Variants in KDM3B observed in about 807,000 individuals in gnomAD.
The protein encoded by KDM3B is lysine demethylase 3B, also known as lysine-specific demethylase 3B.
KDM3B carries 10 observed loss-of-function variants against 170.0 expected under a neutral mutation model. The ratio of observed to expected loss-of-function variants is 0.06; its 90% CI spans 0.04 to 0.10. KDM3B has a LOEUF of 0.10. KDM3B is among the 10% of genes least tolerant of loss of function. KDM3B has a pLI of 1.00. For synonymous variants in KDM3B, 831 were observed against 834.8 expected (o/e 1.00, Z 0.08); for missense variants, 1,394 against 2,195.2 (o/e 0.64, Z 7.29).
chr5:138,400,896 C>CT (rs554180552), intron 11 of KDM3B, among the ~76,000 whole-genome samples: 37,923 of 146,584 alleles, frequency 0.26, 5,369 homozygotes, highest in East Asian at 0.56. Flanking sequence ...ACTTTTTTCT[C>CT]TTTTTTTTTT....
At chr5:138,422,863 A>C (rs1287572687) in intron 15 of KDM3B, among the ~76,000 whole-genome samples, 4 of 152,190 alleles carry the variant, frequency 2.6e-5, no homozygotes, top group Admixed American at 6.5e-5. Flanking sequence ...CTTGGGTTTT[A>C]TGACTAATGG....
chr5:138,357,366 A>T (rs1218920959), intron 1 of KDM3B, among the ~76,000 whole-genome samples: 5 of 145,970 alleles, frequency 3.4e-5, no homozygotes, highest in South Asian at 2.2e-4. Context: ...TTTAAAAAAC[A>T]TTTTTTTTTT....
intron 1 of KDM3B, among the ~76,000 whole-genome samples, chr5:138,363,578 G>A (rs958640203): frequency 2.6e-4 from 39 of 152,086 alleles, no homozygotes; most frequent in African/African-American, 8.2e-4. Context: ...ACGGAGTCTC[G>A]CTCTGTCTCT....
At chr5:138,380,711 G>GC (rs1452198091) in intron 5 of KDM3B, among the ~76,000 whole-genome samples, 2 of 151,824 alleles carry the variant, frequency 1.3e-5, no homozygotes, top group East Asian at 1.9e-4. Context: ...CTATCAAATT[G>GC]CCCCCCACTG....
rs1761721094 is a variant in KDM3B, at chr5:138,365,464, G to A, written c.193-7210G>A. Reference sequence around the variant, plus strand: ...GTAGAGATGGGGTTTCACCCTGTTGGCCAGGCTGGTCTCAAACTCCTGACC... The same window carrying A: ...GTAGAGATGGGGTTTCACCCTGTTGACCAGGCTGGTCTCAAACTCCTGACC... On this transcript the variant is annotated intron_variant, in intron 1 of 23. Transcript: ENST00000314358. Among the ~76,000 whole-genome samples the A allele has an allele frequency of 2.0e-5, 3 of 151,606 alleles. No homozygotes were observed. The South Asian group carries it at 6.3e-4, about 32-fold the overall frequency.
chr5:138,377,146 C>A (rs986296347), intron 3 of KDM3B, among the ~76,000 whole-genome samples: 6 of 152,194 alleles, frequency 3.9e-5, no homozygotes, highest in Non-Finnish European at 5.9e-5. Context: ...CTCTCAGCAA[C>A]CTTGCTTTAT....
At chr5:138,375,062 C>T (rs776869206) in intron 2 of KDM3B, 31 bp from the exon 3 acceptor site, 2 of 1,188,186 alleles carry the variant, frequency 1.7e-6, no homozygotes, top group African/African-American at 1.5e-5. Context: ...TTCCCAAGTT[C>T]TAATCAATTT....
At chr5:138,425,155 C>T (rs556759597) in intron 16 of KDM3B, among the ~76,000 whole-genome samples, 1 of 152,298 alleles carries the variant, frequency 6.6e-6, no homozygotes, top group East Asian at 1.9e-4. Flanking sequence ...TGTCCTTTCA[C>T]CTTAAAACAA....
intron 1 of KDM3B, among the ~76,000 whole-genome samples, chr5:138,354,346 G>T (rs1022476551): frequency 6.6e-6 from 1 of 152,196 alleles, no homozygotes; most frequent in African/African-American, 2.4e-5. Flanking sequence ...CTGGGATTTG[G>T]ATCTCTATTC....
At chr5:138,358,948 C>G (rs1352647660) in intron 1 of KDM3B, among the ~76,000 whole-genome samples, 4 of 140,780 alleles carry the variant, frequency 2.8e-5, no homozygotes, top group Non-Finnish European at 4.6e-5. Context: ...CCCCCCTCCC[C>G]CTACCCCACA....
Position 138,418,989 on chromosome 5 carries a change from G to A in KDM3B, c.3472G>A (p.Glu1158Lys), listed in dbSNP as rs1394816019. ...AAACCCTAGTGCCTCTTCTGGAAAC[G>A]AAACTACCTTCTCTGGTGGAGGAGG... The part of the protein sequence containing the change: ...SINPSASSGN[E>K]TTFSGGGGPA... Residue 1158 changes from glutamate (E) to lysine (K), a missense_variant, in exon 14 of 24, where the codon GAA becomes AAA. Glu to Lys is a moderately conservative substitution (Grantham distance 56, BLOSUM62 1). Transcript: ENST00000314358. 9.9e-6 allele frequency: 16 copies of A among 1,614,012 alleles called. No homozygotes were observed. The highest frequency in any genetic ancestry group is 1.3e-5 in the African/African-American group (1 of 74,904).
At chr5:138,378,658 G>A (rs769401233) in intron 4 of KDM3B, among the ~76,000 whole-genome samples, 11 of 151,890 alleles carry the variant, frequency 7.2e-5, no homozygotes, top group Admixed American at 5.3e-4. Context: ...ATTGGGGAAG[G>A]AAGGTGTCAG....
chr5:138,399,470 G>A (rs1035785339), intron 10 of KDM3B, among the ~76,000 whole-genome samples: 5 of 151,696 alleles, frequency 3.3e-5, no homozygotes, highest in East Asian at 2.0e-4. Context: ...CCCGGGAGGC[G>A]GAGCTTGCAG....
At chr5:138,380,707 A>G (rs182106782) in intron 5 of KDM3B, among the ~76,000 whole-genome samples, 32 of 152,214 alleles carry the variant, frequency 2.1e-4, no homozygotes, top group African/African-American at 7.5e-4. Flanking sequence ...TTTTCTATCA[A>G]ATTGCCCCCC....
chr5:138,402,236 T>C (rs1336688100), intron 11 of KDM3B, among the ~76,000 whole-genome samples: 1 of 152,208 alleles, frequency 6.6e-6, no homozygotes, highest in Non-Finnish European at 1.5e-5. Context: ...TTGTTTATTT[T>C]CTTAGGAAAA....
intron 11 of KDM3B, among the ~76,000 whole-genome samples, chr5:138,412,310 T>C (rs920841725): frequency 6.6e-6 from 1 of 151,294 alleles, no homozygotes; most frequent in African/African-American, 2.4e-5. Flanking sequence ...CACTCCAGCC[T>C]GGGCAAAAGA....
At chr5:138,394,811 G>A (rs1309859660) in intron 9 of KDM3B, among the ~76,000 whole-genome samples, 3 of 152,238 alleles carry the variant, frequency 2.0e-5, no homozygotes, top group African/African-American at 7.2e-5. Flanking sequence ...AATAAGCTAT[G>A]TAGAGGCAAG....
intron 14 of KDM3B, 121 bp from the exon 15 acceptor site, chr5:138,420,585 G>T (rs1286616456): frequency 3.8e-6 from 4 of 1,063,106 alleles, no homozygotes; most frequent in African/African-American, 3.1e-5. Context: ...TACACAGTTT[G>T]GGGGGTGCAA....
intron 23 of KDM3B, 150 bp from the exon 24 acceptor site, chr5:138,435,470 A>T: frequency 1.6e-6 from 1 of 624,330 alleles, no homozygotes; most frequent in Admixed American, 2.7e-5. Context: ...CTCATGCCCT[A>T]TGTGATTTGT....
Sources: allele counts gnomAD v4.1 joint callset (sites outside exome capture counted in the v4.1 genomes callset), GRCh38; gene constraint gnomAD v4.1.1; transcripts MANE v1.5; gene names NCBI Gene and HGNC (gene_info 2026-07-23, HGNC 2026-07-21).